SLC16A10: variants seen among roughly 807,000 people sequenced by gnomAD.
SLC16A10 encodes monocarboxylate transporter 10.
Under a neutral mutation model 40.0 loss-of-function variants are expected in SLC16A10, and 27 were observed. That is an observed-to-expected ratio of 0.67 (90% CI 0.50 to 0.93). The LOEUF (loss-of-function observed/expected upper bound fraction) is 0.93. Ranked by LOEUF, SLC16A10 falls within the 40% of genes least tolerant of loss-of-function variation. The pLI is 0.00. For synonymous variants in SLC16A10, 213 were observed against 249.8 expected (o/e 0.85, Z 1.39); for missense variants, 529 against 658.2 (o/e 0.80, Z 2.15).
chr6:111,161,595 C>T (rs1772373969), intron 1 of SLC16A10, among the ~76,000 whole-genome samples: 1 of 152,082 alleles, frequency 6.6e-6, no homozygotes, highest in Non-Finnish European at 1.5e-5. Context: ...AGAGGCCTAT[C>T]TAAGGGTCCC....
At chr6:111,204,848 C>G (rs1365160167) in intron 3 of SLC16A10, among the ~76,000 whole-genome samples, 1 of 152,126 alleles carries the variant, frequency 6.6e-6, no homozygotes, top group Non-Finnish European at 1.5e-5. Flanking sequence ...TAATAATCGA[C>G]TGAAGTATAT....
chr6:111,182,865 T>C (rs1001042478), intron 3 of SLC16A10, among the ~76,000 whole-genome samples: 1 of 152,172 alleles, frequency 6.6e-6, no homozygotes, highest in Admixed American at 6.5e-5. Context: ...TGGTGGCTTT[T>C]CTTTCAAAAT....
At chr6:111,150,505 A>G (rs1772154747) in intron 1 of SLC16A10, among the ~76,000 whole-genome samples, 1 of 152,138 alleles carries the variant, frequency 6.6e-6, no homozygotes, top group Non-Finnish European at 1.5e-5. Flanking sequence ...GCTGTATAAT[A>G]CCTCCCTCTG....
chr6:111,132,411 G>T (rs949910558), intron 1 of SLC16A10, among the ~76,000 whole-genome samples: 1 of 152,178 alleles, frequency 6.6e-6, no homozygotes, highest in African/African-American at 2.4e-5. Context: ...AAACAAGGGG[G>T]TAGCCCAAAA....
intron 1 of SLC16A10, among the ~76,000 whole-genome samples, chr6:111,100,798 C>CT (rs1033729804): frequency 2.6e-5 from 4 of 151,754 alleles, no homozygotes; most frequent in Non-Finnish European, 5.9e-5. Flanking sequence ...GAATGCCAAA[C>CT]TTTAACACTT....
At chr6:111,150,268 C>T (rs1283449359) in intron 1 of SLC16A10, among the ~76,000 whole-genome samples, 26 of 152,344 alleles carry the variant, frequency 1.7e-4, no homozygotes, top group Middle Eastern at 3.4e-3. Context: ...GCAGTAGTAA[C>T]GCCCTTACCA....
At chr6:111,125,037 G>A (rs1259493897) in intron 1 of SLC16A10, among the ~76,000 whole-genome samples, 1 of 151,952 alleles carries the variant, frequency 6.6e-6, no homozygotes, top group Non-Finnish European at 1.5e-5. Flanking sequence ...AGCTATAATG[G>A]GACGGTGAAA....
rs1173275647 is a variant in SLC16A10, at chr6:111,092,315, GT to G, written c.343+4242del. Among the ~76,000 whole-genome samples, 337 of 98,574 alleles carry G rather than the reference GT, an allele frequency of 3.4e-3. 1 individual carries two copies. The highest frequency in any genetic ancestry group is 7.8e-3 in the Middle Eastern group (1 of 128). 64.7% of individuals were successfully genotyped at this position (98,574 alleles called of 152,430 possible). On this transcript the variant is annotated intron_variant, in intron 1 of 5. Transcript: ENST00000368851. ...AGCTTGAGTTGTCTCTTTTTTTGTT[GT>G]TTTTTTTTTTTTTTTTTTTTTGAGA...
At chr6:111,124,442 G>A (rs2114479250) in intron 1 of SLC16A10, among the ~76,000 whole-genome samples, 1 of 151,580 alleles carries the variant, frequency 6.6e-6, no homozygotes, top group East Asian at 1.9e-4. Flanking sequence ...GCTCACTGCA[G>A]CCTTGACCTC....
chr6:111,105,141 T>C (rs1487455613), intron 1 of SLC16A10, among the ~76,000 whole-genome samples: 6 of 152,186 alleles, frequency 3.9e-5, no homozygotes, highest in Non-Finnish European at 8.8e-5. Flanking sequence ...CTGTAAGTCT[T>C]ATTTTTAAGA....
intron 1 of SLC16A10, among the ~76,000 whole-genome samples, chr6:111,134,701 C>A (rs1162598520): frequency 1.3e-5 from 2 of 152,174 alleles, no homozygotes; most frequent in Non-Finnish European, 2.9e-5. Context: ...AAAAGATTAT[C>A]CAAATAGAAA....
intron 3 of SLC16A10, among the ~76,000 whole-genome samples, chr6:111,179,887 T>C (rs1171671537): frequency 6.6e-6 from 1 of 152,240 alleles, no homozygotes; most frequent in Non-Finnish European, 1.5e-5. Context: ...ATCTCCTCTT[T>C]GGTTATGTAC....
At chr6:111,112,172 T>C (rs917045453) in intron 1 of SLC16A10, among the ~76,000 whole-genome samples, 2 of 151,996 alleles carry the variant, frequency 1.3e-5, no homozygotes, top group Non-Finnish European at 2.9e-5. Context: ...TAGGACTACA[T>C]GCATGCACCA....
At chr6:111,110,428 C>T (rs894061047) in intron 1 of SLC16A10, among the ~76,000 whole-genome samples, 7 of 151,054 alleles carry the variant, frequency 4.6e-5, no homozygotes, top group African/African-American at 1.5e-4. Context: ...GGTGAAGTTA[C>T]TAAAGGTCTA....
chr6:111,137,515 A>G (rs1377129801), intron 1 of SLC16A10, among the ~76,000 whole-genome samples: 1 of 152,220 alleles, frequency 6.6e-6, no homozygotes, highest in Non-Finnish European at 1.5e-5. Flanking sequence ...CTGTAAAGCT[A>G]CAAATGGTTC....
chr6:111,126,706 A>G (rs1340053473), intron 1 of SLC16A10, among the ~76,000 whole-genome samples: 11 of 152,186 alleles, frequency 7.2e-5, no homozygotes, highest in Admixed American at 1.3e-4. Flanking sequence ...TGACATGGTT[A>G]TTAATATATT....
At chr6:111,117,271 G>C (rs1269583855) in intron 1 of SLC16A10, among the ~76,000 whole-genome samples, 2 of 150,476 alleles carry the variant, frequency 1.3e-5, no homozygotes, top group Admixed American at 1.3e-4. Flanking sequence ...AGAATGGCGT[G>C]AACCCGGGAG....
chr6:111,179,140 C>A (rs768278448), intron 3 of SLC16A10, among the ~76,000 whole-genome samples: 17 of 149,930 alleles, frequency 1.1e-4, no homozygotes, highest in Non-Finnish European at 1.8e-4. Context: ...AAAAAAAATT[C>A]TCTTTGGTAC....
chr6:111,144,795 C>A (rs1385215986), intron 1 of SLC16A10, among the ~76,000 whole-genome samples: 1 of 152,154 alleles, frequency 6.6e-6, no homozygotes, highest in Non-Finnish European at 1.5e-5. Context: ...TATTGCATAA[C>A]AATTCTATAA....
Sources: allele counts gnomAD v4.1 joint callset (sites outside exome capture counted in the v4.1 genomes callset), GRCh38; gene constraint gnomAD v4.1.1; transcripts MANE v1.5; gene names NCBI Gene and HGNC (gene_info 2026-07-23, HGNC 2026-07-21).